Variants in KIAA1549L observed in about 807,000 individuals in gnomAD.
The protein encoded by KIAA1549L is KIAA1549 like.
Under a neutral mutation model 160.7 loss-of-function variants are expected in KIAA1549L, and 88 were observed. The ratio of observed to expected loss-of-function variants is 0.55; its 90% CI spans 0.46 to 0.65. KIAA1549L has a LOEUF of 0.65. KIAA1549L is among the 30% of genes least tolerant of loss of function. The probability of loss-of-function intolerance (pLI) is 0.00; values close to 1 mark genes in which losing one functional copy is unlikely to be tolerated. For synonymous variants in KIAA1549L, 950 were observed against 976.7 expected (o/e 0.97, Z 0.51); for missense variants, 2,258 against 2,437.5 (o/e 0.93, Z 1.55).
At chr11:33,465,046 C>CTT (rs1008261470) in intron 1 of KIAA1549L, among the ~76,000 whole-genome samples, 833 of 78,990 alleles carry the variant, frequency 0.011, 127 homozygotes, top group South Asian at 0.019. Context: ...GGACCTTCTT[C>CTT]TTTTTTTTTT....
intron 1 of KIAA1549L, among the ~76,000 whole-genome samples, chr11:33,432,955 A>G (rs1005896501): frequency 1.3e-5 from 2 of 152,236 alleles, no homozygotes; most frequent in Non-Finnish European, 2.9e-5. Context: ...AAACACTTAC[A>G]TGTAAAACCT....
chr11:33,484,494 C>T (rs992656194), intron 1 of KIAA1549L, among the ~76,000 whole-genome samples: 21 of 152,228 alleles, frequency 1.4e-4, no homozygotes, highest in African/African-American at 2.9e-4. Flanking sequence ...CATTTATAGT[C>T]GGAGTGGACT....
chr11:33,560,623 G>A (rs1389494866), intron 7 of KIAA1549L, among the ~76,000 whole-genome samples: 2 of 152,162 alleles, frequency 1.3e-5, no homozygotes, highest in African/African-American at 4.8e-5. Context: ...GTTACATTTT[G>A]TATCCAAATG....
At chr11:33,422,206 T>C (rs1366106527) in intron 1 of KIAA1549L, among the ~76,000 whole-genome samples, 1 of 152,142 alleles carries the variant, frequency 6.6e-6, no homozygotes, top group Non-Finnish European at 1.5e-5. Flanking sequence ...TTTCGATCTC[T>C]TGAATTGGAA....
At chr11:33,630,067 C>G (rs1021361982) in intron 16 of KIAA1549L, among the ~76,000 whole-genome samples, 5 of 152,044 alleles carry the variant, frequency 3.3e-5, no homozygotes, top group African/African-American at 4.8e-5. Flanking sequence ...CAGTCTGCCT[C>G]TGCTGGGGGG....
intron 1 of KIAA1549L, among the ~76,000 whole-genome samples, chr11:33,397,102 G>A (rs926076338): frequency 2.0e-5 from 3 of 151,444 alleles, no homozygotes; most frequent in Non-Finnish European, 4.4e-5. Flanking sequence ...GGAGACCAAG[G>A]TGGGTGGATC....
intron 1 of KIAA1549L, among the ~76,000 whole-genome samples, chr11:33,515,853 A>T (rs1018292769): frequency 5.3e-5 from 8 of 152,200 alleles, no homozygotes; most frequent in Admixed American, 5.2e-4. Context: ...TATTAGAGGG[A>T]ATCCTCTAGT....
At chr11:33,432,734 A>G (rs564261331) in intron 1 of KIAA1549L, among the ~76,000 whole-genome samples, 2 of 152,326 alleles carry the variant, frequency 1.3e-5, no homozygotes, top group South Asian at 4.1e-4. Flanking sequence ...ACCAAAAGAG[A>G]CATATAGACC....
chr11:33,431,779 G>A (rs1342639369), intron 1 of KIAA1549L, among the ~76,000 whole-genome samples: 1 of 152,258 alleles, frequency 6.6e-6, no homozygotes, highest in African/African-American at 2.4e-5. Context: ...ATGGGACTGG[G>A]CGCCGTGGAG....
intron 1 of KIAA1549L, among the ~76,000 whole-genome samples, chr11:33,464,509 T>C (rs1040257239): frequency 2.3e-4 from 32 of 139,864 alleles, no homozygotes; most frequent in African/African-American, 4.6e-4. Flanking sequence ...TGTGTGTGTG[T>C]GTGCGTGCGC....
intron 10 of KIAA1549L, among the ~76,000 whole-genome samples, chr11:33,579,772 G>A (rs1224737625): frequency 5.3e-5 from 8 of 152,162 alleles, no homozygotes; most frequent in Admixed American, 3.3e-4. Flanking sequence ...GTGAAGGAAC[G>A]TAGCTAGTGG....
intron 1 of KIAA1549L, among the ~76,000 whole-genome samples, chr11:33,393,161 C>T (rs1229594789): frequency 6.6e-6 from 1 of 152,220 alleles, no homozygotes; most frequent in East Asian, 1.9e-4. Context: ...GCCGCTATAG[C>T]GAGGCTTGCA....
chr11:33,584,960 G>T (rs1439521960), intron 11 of KIAA1549L, among the ~76,000 whole-genome samples: 1 of 152,222 alleles, frequency 6.6e-6, no homozygotes, highest in East Asian at 1.9e-4. Context: ...CGTCCTTGCG[G>T]GGGTCACGCA....
At chr11:33,629,748 T>G (rs985292751) in intron 16 of KIAA1549L, among the ~76,000 whole-genome samples, 5 of 151,116 alleles carry the variant, frequency 3.3e-5, no homozygotes, top group Admixed American at 2.6e-4. Context: ...CTCCCGTAGC[T>G]CGGAGTAATT....
intron 1 of KIAA1549L, among the ~76,000 whole-genome samples, chr11:33,530,436 A>AAT (rs869093534): frequency 0.013 from 152 of 11,814 alleles, no homozygotes; most frequent in Non-Finnish European, 0.017. Context: ...AAAAAAAAAA[A>AAT]ATATATATAT....
intron 1 of KIAA1549L, among the ~76,000 whole-genome samples, chr11:33,436,624 G>C (rs1199336580): frequency 6.6e-6 from 1 of 152,220 alleles, no homozygotes; most frequent in Non-Finnish European, 1.5e-5. Context: ...AACTATTGCA[G>C]GTAGGTATTG....
At chr11:33,586,319 C>A (rs1027432017) in intron 11 of KIAA1549L, among the ~76,000 whole-genome samples, 4 of 152,060 alleles carry the variant, frequency 2.6e-5, no homozygotes, top group Admixed American at 2.0e-4. Flanking sequence ...GTGGCTTTCC[C>A]GGGAGCCGAG....
chr11:33,609,647 G>C, intron 14 of KIAA1549L, 102 bp from the exon 15 acceptor site: 1 of 894,540 alleles, frequency 1.1e-6, no homozygotes, highest in East Asian at 2.6e-5. Flanking sequence ...CGGAGGTGAT[G>C]CCTGTGATGG....
chr11:33,411,630 T>G (rs1850787633), intron 1 of KIAA1549L, among the ~76,000 whole-genome samples: 1 of 152,250 alleles, frequency 6.6e-6, no homozygotes, highest in Non-Finnish European at 1.5e-5. Flanking sequence ...GAAATTCAAA[T>G]GGCAGGGACC....
Sources: gnomAD v4.1 joint callset for allele counts (sites outside exome capture counted in the v4.1 genomes callset) on GRCh38, gnomAD v4.1.1 for gene constraint, MANE v1.5 for transcripts, NCBI Gene and HGNC (gene_info 2026-07-23, HGNC 2026-07-21) for gene names.